FLT1: variants seen among roughly 807,000 people sequenced by gnomAD.
The protein encoded by FLT1 is fms related receptor tyrosine kinase 1.
Under a neutral mutation model 156.3 loss-of-function variants are expected in FLT1, and 49 were observed. That is an observed-to-expected ratio of 0.31 (90% confidence interval 0.25 to 0.40). The LOEUF is 0.40. Among genes scored for constraint, FLT1 ranks in the 10% least tolerant of loss-of-function variants. The probability of loss-of-function intolerance (pLI) is 1.00; values close to 1 mark genes in which losing one functional copy is unlikely to be tolerated. For synonymous variants in FLT1, 594 were observed against 583.8 expected, an observed-to-expected ratio of 1.02 and a Z score of -0.25; for missense variants, 1,322 against 1,637.2, an observed-to-expected ratio of 0.81 and a Z score of 3.32.
At chr13:28,491,050 C>G (rs1163144956) in intron 1 of FLT1, among the ~76,000 whole-genome samples, 1 of 152,190 alleles carries the variant, frequency 6.6e-6, no homozygotes, top group Non-Finnish European at 1.5e-5. Context: ...CTTGTCTTGC[C>G]CAACTGCCCA....
At position 28,477,048 on chromosome 13, in the gene FLT1, T is replaced by C. The variant is rs76600835; in HGVS notation, c.65-9431A>G. On this transcript the variant is annotated intron_variant, in intron 1 of 29. Transcript: ENST00000282397. ...TTTTCCTTAAGCTTCAGAAAAGTTA[T>C]TTACACGGAAAAAAATCTGTGTGGT... is the stretch of plus-strand genomic sequence containing the variant. Among the ~76,000 whole-genome samples the C allele has an allele frequency of 2.5e-3, 388 of 152,328 alleles. 1 individual carries two copies. Among genetic ancestry groups the C allele is most frequent in the African/African-American group, 9.0e-3 (375 of 41,580 alleles).
intron 16 of FLT1, 40 bp downstream of exon 16, chr13:28,345,405 A>G (rs764227245): frequency 1.6e-6 from 2 of 1,269,444 alleles, no homozygotes; most frequent in African/African-American, 1.5e-5. Flanking sequence ...TTTTTAGAAT[A>G]TATGTAAAAA....
rs187729350 is a variant in FLT1 at position 28,487,191 on chromosome 13, G to A, written c.64+7589C>T. On this transcript the variant is annotated intron_variant, in intron 1 of 29. Transcript: ENST00000282397. ...TTGGTCAGAGGTACAGCCAAGACCC[G>A]AGGATTTTTAAAAGCTCTCCAGATT... 3.5e-4 allele frequency among the ~76,000 whole-genome samples: 54 copies of A among 152,338 alleles called. No homozygotes were observed. The East Asian group carries it at 9.6e-3, about 27-fold the overall frequency.
At chr13:28,415,739 A>G (rs1008180393) in intron 10 of FLT1, among the ~76,000 whole-genome samples, 1 of 152,200 alleles carries the variant, frequency 6.6e-6, no homozygotes, top group Non-Finnish European at 1.5e-5. Flanking sequence ...TGGGTGATTG[A>G]CCATTTGAAT....
intron 15 of FLT1, among the ~76,000 whole-genome samples, chr13:28,352,686 T>C (rs934595022): frequency 6.6e-6 from 1 of 152,198 alleles, no homozygotes; most frequent in Admixed American, 6.5e-5. Flanking sequence ...CTGGTTCATC[T>C]CTGTTTTGAG....
chr13:28,358,699 C>G (rs922070747), intron 14 of FLT1, among the ~76,000 whole-genome samples: 2 of 152,132 alleles, frequency 1.3e-5, no homozygotes, highest in Non-Finnish European at 2.9e-5. Flanking sequence ...TAATTCCTAC[C>G]AAACACACAC....
At chr13:28,333,937 G>A in intron 18 of FLT1, 88 bp downstream of exon 18, 1 of 878,588 alleles carries the variant, frequency 1.1e-6, no homozygotes. Flanking sequence ...GCTTGTGTCT[G>A]TTCCCAGGCT....
intron 1 of FLT1, among the ~76,000 whole-genome samples, chr13:28,489,534 G>A (rs1304668429): frequency 6.6e-6 from 1 of 152,214 alleles, no homozygotes; most frequent in African/African-American, 2.4e-5. Flanking sequence ...GGCAAGTGCT[G>A]TCTGGGAGCT....
At chr13:28,418,983 A>G (rs1227209796) in intron 10 of FLT1, among the ~76,000 whole-genome samples, 1 of 152,230 alleles carries the variant, frequency 6.6e-6, no homozygotes, top group Non-Finnish European at 1.5e-5. Context: ...ACTGTTGTTC[A>G]GATTAGAGAT....
At chr13:28,437,348 G>A (rs1878085580) in intron 4 of FLT1, among the ~76,000 whole-genome samples, 1 of 152,184 alleles carries the variant, frequency 6.6e-6, no homozygotes, top group Admixed American at 6.5e-5. Context: ...TGATGGGTGA[G>A]ACTGAACATC....
chr13:28,386,409 G>T (rs1874367350), intron 13 of FLT1: 1 of 1,033,196 alleles, frequency 9.7e-7, no homozygotes, highest in Non-Finnish European at 1.2e-6. Flanking sequence ...AATAAATTTT[G>T]ATTTCTACAG....
chr13:28,398,344 T>C, intron 11 of FLT1, among the ~76,000 whole-genome samples: 1 of 152,204 alleles, frequency 6.6e-6, no homozygotes. Context: ...AAGGCTGAAA[T>C]GTGACAGCTG....
In FLT1 at chr13:28,390,553, G is replaced by A. The variant is rs1434248915; in HGVS notation, c.1661-449C>T. On this transcript the variant is annotated intron_variant, in intron 12 of 29. Coordinates refer to ENST00000282397, the MANE Select transcript of FLT1 (RefSeq NM_002019.4). The stretch of plus-strand genomic sequence containing the variant: ...TGGAATTACAGGCGTGCATCACCAC[G>A]CTGGGCTAATTTTTGTACTTTTTGG... 3.9e-5 allele frequency among the ~76,000 whole-genome samples: 6 copies of A among 152,022 alleles called. No individual in the cohort carries two copies. In the South Asian group the frequency reaches 6.2e-4, roughly 16 times the overall value.
chr13:28,327,023 G>A (rs1871712829), intron 20 of FLT1, among the ~76,000 whole-genome samples: 1 of 152,218 alleles, frequency 6.6e-6, no homozygotes, highest in Non-Finnish European at 1.5e-5. Flanking sequence ...TTGGTCTACT[G>A]CTGATTGTCA....
intron 27 of FLT1, among the ~76,000 whole-genome samples, chr13:28,310,545 C>T (rs966290033): frequency 3.3e-5 from 5 of 152,192 alleles, no homozygotes; most frequent in African/African-American, 1.2e-4. Flanking sequence ...AGACCCAGCA[C>T]TTGTCTGTGT....
intron 22 of FLT1, among the ~76,000 whole-genome samples, chr13:28,321,921 G>T (rs780751578): frequency 6.6e-6 from 1 of 152,164 alleles, no homozygotes; most frequent in African/African-American, 2.4e-5. Flanking sequence ...TTTGTGGGAG[G>T]GCCCTATATG....
At chr13:28,315,009 G>A (rs117751172) in intron 25 of FLT1, among the ~76,000 whole-genome samples, 3,615 of 152,238 alleles carry the variant, frequency 0.024, 77 homozygotes, top group South Asian at 0.045. Context: ...GTATGAATGG[G>A]AAACACACTC....
In FLT1 at chr13:28,308,825, C is replaced by T; in HGVS notation, c.3720+18G>A. On this transcript the variant is annotated intron_variant, in intron 28 of 29. Coordinates refer to ENST00000282397, the MANE Select transcript of FLT1 (RefSeq NM_002019.4). Reference sequence around the variant, plus strand: ...GGGTCTATCGGGGTGCACTAGGTACCTTAACTTCACGACTTACATCAAACA... The same window carrying T: ...GGGTCTATCGGGGTGCACTAGGTACTTTAACTTCACGACTTACATCAAACA... The T allele has an allele frequency of 6.4e-7, 1 of 1,555,232 alleles. No homozygotes were observed. The highest frequency in any genetic ancestry group is 1.4e-5 in the African/African-American group (1 of 74,056).
intron 1 of FLT1, among the ~76,000 whole-genome samples, chr13:28,488,715 G>T (rs1288899267): frequency 6.6e-6 from 1 of 152,114 alleles, no homozygotes; most frequent in African/African-American, 2.4e-5. Flanking sequence ...ACCTAGCAGG[G>T]TAGTCCTGCC....
Sources: allele counts gnomAD v4.1 joint callset (sites outside exome capture counted in the v4.1 genomes callset), GRCh38; gene constraint gnomAD v4.1.1; transcripts MANE v1.5; gene names NCBI Gene and HGNC (gene_info 2026-07-23, HGNC 2026-07-21).